Variants in BCL11B observed in about 807,000 individuals in gnomAD.
BCL11B encodes BCL11 transcription factor B.
Under a neutral mutation model 49.9 loss-of-function variants are expected in BCL11B, and 8 were observed. The observed-to-expected ratio is 0.16, with a 90% CI of 0.09 to 0.29. The LOEUF (loss-of-function observed/expected upper bound fraction) is 0.29, where lower values mean the gene tolerates loss of function less well. BCL11B is among the 10% of genes least tolerant of loss of function. The pLI, the probability that BCL11B is intolerant of heterozygous loss-of-function variation, is 1.00. For missense variants in BCL11B, 1,006 were observed against 1,351.0 expected (o/e 0.74, Z 4.00); for synonymous variants, 739 against 637.4 (o/e 1.16, Z -2.40).
At chr14:99,237,289 T>C (rs548975279) in intron 2 of BCL11B, among the ~76,000 whole-genome samples, 3 of 151,928 alleles carry the variant, frequency 2.0e-5, no homozygotes, top group Non-Finnish European at 4.4e-5. Flanking sequence ...CAGCAATGAC[T>C]GGAACTTGTT....
chr14:99,197,463 G>C (rs1468786940), intron 3 of BCL11B, among the ~76,000 whole-genome samples: 1 of 152,140 alleles, frequency 6.6e-6, no homozygotes, highest in Non-Finnish European at 1.5e-5. Context: ...TAAAGAAAAT[G>C]AGTGAAGTTG....
At position 99,182,153 on chromosome 14, in the gene BCL11B, G is replaced by A. The variant is rs182018104; in HGVS notation, c.641-5958C>T. On this transcript the variant is annotated intron_variant, in intron 3 of 3. Coordinates refer to ENST00000357195, the MANE Select transcript of BCL11B (RefSeq NM_138576.4). ...CCTCAGCTCTCTCCAAGACAAAGGC[G>A]GAACTGGGGAAATAACACTCACAGT... Among the ~76,000 whole-genome samples the A allele has an allele frequency of 1.7e-3, 263 of 152,198 alleles. 1 individual carries two copies. The highest frequency in any genetic ancestry group is 6.1e-3 in the African/African-American group (252 of 41,532).
At chr14:99,201,613 C>G (rs541109802) in intron 3 of BCL11B, among the ~76,000 whole-genome samples, 1 of 152,176 alleles carries the variant, frequency 6.6e-6, no homozygotes, top group South Asian at 2.1e-4. Flanking sequence ...CAGCAGCCAC[C>G]CAGGCCGTCT....
rs368879753 is a variant in BCL11B at position 99,264,456 on chromosome 14, G to A, written c.59-6617C>T. On this transcript the variant is annotated intron_variant, in intron 1 of 3. Coordinates refer to ENST00000357195, the MANE Select transcript of BCL11B (RefSeq NM_138576.4). ...ATTTATTTGTATTTCAATAAAATAA[G>A]TGGAAGGGGGCCATAAAAAAGAAGT... 5 of 151,912 alleles carry A rather than the reference G, an allele frequency of 3.3e-5. No homozygotes were observed. The South Asian group carries it at 1.0e-3, about 32-fold the overall frequency. 9.4% of individuals were successfully genotyped at this position (151,912 alleles called of 1,614,324 possible).
At position 99,271,955 on chromosome 14, in the gene BCL11B, G is replaced by T. The variant is rs182354214; in HGVS notation, c.-737C>A. Among the ~76,000 whole-genome samples, 3 of 151,942 alleles carry T rather than the reference G, an allele frequency of 2.0e-5. No homozygotes were observed. Among genetic ancestry groups the T allele is most frequent in the Non-Finnish European group, 4.4e-5 (3 of 67,986 alleles). ...GAGACTGACCCTTCCGAGGCTCTGG[G>T]GGGACACCAGGAGAGGCTCCTTCCC... On this transcript the variant is annotated 5_prime_UTR_variant, in exon 1 of 4. Transcript: ENST00000357195.
chr14:99,214,015 C>T (rs1040749333), intron 3 of BCL11B, among the ~76,000 whole-genome samples: 1 of 152,156 alleles, frequency 6.6e-6, no homozygotes, highest in Non-Finnish European at 1.5e-5. Flanking sequence ...AGAACCTGGG[C>T]TCAAGTGTCA....
intron 2 of BCL11B, among the ~76,000 whole-genome samples, chr14:99,237,945 TG>T: frequency 6.6e-6 from 1 of 151,200 alleles, no homozygotes; most frequent in South Asian, 2.1e-4. Flanking sequence ...GGAAGTGAGG[TG>T]GGTTCACCAG....
rs1259625057 is a variant in BCL11B at position 99,171,725 on chromosome 14, T to C, written c.*2426A>G. On this transcript the variant is annotated 3_prime_UTR_variant, in exon 4 of 4. Coordinates refer to ENST00000357195, the MANE Select transcript of BCL11B (RefSeq NM_138576.4). ...CCAAATACAAGTTTCTATACATTTT[T>C]TTTGAAATAAAAATTCAACACCCAA... 1 of 210,392 alleles carries C rather than the reference T, an allele frequency of 4.8e-6. No homozygotes were observed. The highest frequency in any genetic ancestry group is 9.7e-6 in the Non-Finnish European group (1 of 103,490). 13.0% of individuals were successfully genotyped at this position (210,392 alleles called of 1,614,324 possible).
At chr14:99,245,603 G>A (rs1055999236) in intron 2 of BCL11B, among the ~76,000 whole-genome samples, 8 of 152,242 alleles carry the variant, frequency 5.3e-5, no homozygotes, top group African/African-American at 1.9e-4. Flanking sequence ...TCAGGGCAAT[G>A]GCGGCGGGCG....
intron 1 of BCL11B, among the ~76,000 whole-genome samples, chr14:99,261,175 C>T (rs932605633): frequency 2.6e-5 from 4 of 152,174 alleles, no homozygotes; most frequent in African/African-American, 9.7e-5. Flanking sequence ...GAGTCACCCC[C>T]AGCCCCAAAT....
Position 99,175,111 on chromosome 14 carries a change from C to T in BCL11B, c.1725G>A (p.Gly575=). ...NRENGGGGVP[G]VPGAGGGAAK... ...CCGCGCCGCCCCCCGCGCCCGGGAC[C>T]CCGGGCACCCCACCACCGCCGTTCT... is the stretch of plus-strand genomic sequence containing the variant. The change falls in exon 4 of 4, where the codon GGG becomes GGA. Residue 575 remains glycine (G), a synonymous_variant. Transcript: ENST00000357195. 1.3e-6 allele frequency: 2 copies of T among 1,594,012 alleles called. No homozygotes were observed. Among genetic ancestry groups the T allele is most frequent in the Non-Finnish European group, 1.7e-6 (2 of 1,172,582 alleles).
intron 2 of BCL11B, among the ~76,000 whole-genome samples, chr14:99,254,954 T>C (rs1476268189): frequency 6.6e-6 from 1 of 152,228 alleles, no homozygotes; most frequent in Non-Finnish European, 1.5e-5. Flanking sequence ...AAACAGGGCT[T>C]GTCTACAAAA....
At position 99,178,531 on chromosome 14, in the gene BCL11B, G is replaced by A. The variant is rs1253704725; in HGVS notation, c.641-2336C>T. ...CTCTGTGCACTCTCAGCGAACAGAGGAAGTGCCCAGCTTCCCTGGTTCTGT... is the reference window on the plus strand; with the variant it reads ...CTCTGTGCACTCTCAGCGAACAGAGAAAGTGCCCAGCTTCCCTGGTTCTGT... On this transcript the variant is annotated intron_variant, in intron 3 of 3. Coordinates refer to ENST00000357195, the MANE Select transcript of BCL11B (RefSeq NM_138576.4). 2.0e-5 allele frequency among the ~76,000 whole-genome samples: 3 copies of A among 152,306 alleles called. 1 individual carries two copies. Among genetic ancestry groups the A allele is most frequent in the African/African-American group, 7.2e-5 (3 of 41,560 alleles).
chr14:99,188,440 G>C (rs1295583222), intron 3 of BCL11B, among the ~76,000 whole-genome samples: 1 of 152,124 alleles, frequency 6.6e-6, no homozygotes, highest in East Asian at 1.9e-4. Flanking sequence ...GGGTTTGCCC[G>C]GGTGGATAGG....
intron 3 of BCL11B, among the ~76,000 whole-genome samples, chr14:99,225,432 C>T (rs1420813258): frequency 6.6e-6 from 1 of 152,200 alleles, no homozygotes. Flanking sequence ...TGCCACTTTC[C>T]GAGTCCCTTT....
At chr14:99,193,931 T>G (rs962395697) in intron 3 of BCL11B, among the ~76,000 whole-genome samples, 1 of 152,206 alleles carries the variant, frequency 6.6e-6, no homozygotes, top group Non-Finnish European at 1.5e-5. Flanking sequence ...CCCCCTTCTC[T>G]GCAGCCATCC....
chr14:99,246,305 A>C (rs1381758347), intron 2 of BCL11B, among the ~76,000 whole-genome samples: 1 of 152,156 alleles, frequency 6.6e-6, no homozygotes, highest in Admixed American at 6.5e-5. Context: ...CCCCCGAATT[A>C]TGCATGGACC....
intron 3 of BCL11B, among the ~76,000 whole-genome samples, chr14:99,191,897 C>T (rs1249964426): frequency 6.6e-6 from 1 of 152,134 alleles, no homozygotes; most frequent in Non-Finnish European, 1.5e-5. Flanking sequence ...AATACAATTT[C>T]TGCTGCGTAT....
At chr14:99,227,518 C>T (rs188564174) in intron 3 of BCL11B, among the ~76,000 whole-genome samples, 9 of 152,254 alleles carry the variant, frequency 5.9e-5, no homozygotes, top group East Asian at 1.9e-4. Context: ...TTCTGGCATG[C>T]GGGGCACAAA....
Sources: allele counts gnomAD v4.1 joint callset (sites outside exome capture counted in the v4.1 genomes callset), GRCh38; gene constraint gnomAD v4.1.1; transcripts MANE v1.5; gene names NCBI Gene and HGNC (gene_info 2026-07-23, HGNC 2026-07-21).